The following HEATR1 variants were observed in gnomAD, a reference collection of about 807,000 sequenced individuals.
The protein encoded by HEATR1 is HEAT repeat-containing protein 1.
Under a neutral mutation model 248.2 loss-of-function variants are expected in HEATR1, and 77 were observed. That is an observed-to-expected ratio of 0.31 (90% CI 0.26 to 0.37). The LOEUF is 0.37. Among genes scored for constraint, HEATR1 ranks in the 10% least tolerant of loss-of-function variants. The pLI is 1.00. For missense variants in HEATR1, 2,420 were observed against 2,504.9 expected (o/e 0.97, Z 0.72); for synonymous variants, 897 against 923.1 (o/e 0.97, Z 0.51).
intron 43 of HEATR1, 26 bp from the exon 44 acceptor site, chr1:236,552,133 A>ATAAAAAG: frequency 1.4e-6 from 2 of 1,443,626 alleles, no homozygotes; most frequent in South Asian, 2.3e-5. Context: ...GAGCAAAGAA[A>ATAAAAAG]TAAAAAGTAG....
In HEATR1 at chr1:236,572,755, T is replaced by G; in HGVS notation, c.3533A>C (p.Gln1178Pro). The G allele has an allele frequency of 6.2e-7, 1 of 1,614,090 alleles. No individual in the cohort carries two copies. The highest frequency in any genetic ancestry group is 8.5e-7 in the Non-Finnish European group (1 of 1,179,916). The stretch of plus-strand genomic sequence containing the variant: ...CTGCATTTTTTGCCTTCTTTTTTGC[T>G]GAACTGTGCCCAAGGGTTTAGCTTT... The part of the protein sequence containing the change: ...PDKAKPLGTV[Q>P]QKRRQKMQQK... The change falls in exon 25 of 45, where the codon CAG becomes CCG. Residue 1178 changes from glutamine to proline, a missense_variant. By Grantham distance (76) the Gln-to-Pro change is moderately conservative. Coordinates refer to ENST00000366582, the MANE Select transcript of HEATR1 (RefSeq NM_018072.6).
In HEATR1 at chr1:236,585,236, C is replaced by CT. The variant is rs757377059; in HGVS notation, c.2050-21dup. On this transcript the variant is annotated intron_variant, in intron 16 of 44. Coordinates refer to ENST00000366582, the MANE Select transcript of HEATR1 (RefSeq NM_018072.6). ...CTCCACCTTGAAAAATAAACACACT[C>CT]TATTACCAGTTGCTCTTGATTTTCA... The CT allele has an allele frequency of 6.3e-7, 1 of 1,577,814 alleles. No individual in the cohort carries two copies. The highest frequency in any genetic ancestry group is 8.6e-7 in the Non-Finnish European group (1 of 1,163,036).
chr1:236,561,293 A>G, intron 32 of HEATR1, 22 bp from the exon 33 acceptor site: 1 of 1,597,524 alleles, frequency 6.3e-7, no homozygotes, highest in Non-Finnish European at 8.6e-7. Context: ...AGAAGACGTC[A>G]TTAGAACGGT....
At chr1:236,602,412 A>T (rs1327367812) in intron 3 of HEATR1, among the ~76,000 whole-genome samples, 1 of 152,254 alleles carries the variant, frequency 6.6e-6, no homozygotes. Context: ...GTGAGAATTA[A>T]ATGAGATAAT....
rs1662968193 is a variant in HEATR1, at chr1:236,556,106, G to T, written c.5508C>A (p.Asn1836Lys). Residue 1836 changes from asparagine (N) to lysine (K), a missense_variant, in exon 38 of 45, where the codon AAC becomes AAA. Transcript: ENST00000366582. ...ATACCCAATAAGATCTAACCTTCCA[G>T]TTCTTCTCAATCTGCTTGTAAGTTT... ...IKKTYKQIEKNWKNHMGPFMS... is the reference protein window; with the variant it reads ...IKKTYKQIEKKWKNHMGPFMS... 6.2e-7 allele frequency: 1 copy of T among 1,614,096 alleles called. No homozygotes were observed. The highest frequency in any genetic ancestry group is 1.1e-5 in the South Asian group (1 of 91,078).
rs1379844548 is a variant in HEATR1 at position 236,558,575 on chromosome 1, A to G, written c.4912-46T>C. ...CCCCAAATCATTAAAGCTGCAAAAAATGTTTGTCCATTTTCCCATTGTCAC... is the reference window on the plus strand; with the variant it reads ...CCCCAAATCATTAAAGCTGCAAAAAGTGTTTGTCCATTTTCCCATTGTCAC... On this transcript the variant is annotated intron_variant, in intron 35 of 44. Transcript: ENST00000366582. The G allele has an allele frequency of 1.9e-6, 3 of 1,547,554 alleles. No individual in the cohort carries two copies. The East Asian group carries it at 6.8e-5, about 35-fold the overall frequency.
At chr1:236,566,910 G>A (rs1394479996) in intron 29 of HEATR1, 34 bp from the exon 30 acceptor site, 2 of 1,410,262 alleles carry the variant, frequency 1.4e-6, no homozygotes, top group African/African-American at 1.4e-5. Context: ...ATGAGTAGGT[G>A]CAAGTAATCT....
At chr1:236,577,489 CTT>C (rs34171040) in intron 20 of HEATR1, among the ~76,000 whole-genome samples, 79,681 of 140,514 alleles carry the variant, frequency 0.57, 23,879 homozygotes, top group Non-Finnish European at 0.68. Context: ...TTACATCATT[CTT>C]TTTTTTTTTT....
At chr1:236,551,075 G>C in intron 44 of HEATR1, 85 bp from the exon 45 acceptor site, 1 of 1,029,850 alleles carries the variant, frequency 9.7e-7, no homozygotes, top group South Asian at 1.6e-5. Flanking sequence ...TTAATGCCTT[G>C]CACTTTCCGG....
chr1:236,597,214 T>G (rs1248071135), intron 5 of HEATR1, among the ~76,000 whole-genome samples: 1 of 151,852 alleles, frequency 6.6e-6, no homozygotes, highest in African/African-American at 2.4e-5. Context: ...TGACAACAAT[T>G]AACTGCCTAA....
intron 40 of HEATR1, 30 bp downstream of exon 40, chr1:236,555,521 C>T (rs374919005): frequency 2.5e-6 from 4 of 1,614,012 alleles, no homozygotes; most frequent in Non-Finnish European, 3.4e-6. Context: ...AATCTGAGCA[C>T]AAAAGAGAGG....
intron 17 of HEATR1, among the ~76,000 whole-genome samples, chr1:236,584,522 AG>A (rs1468129229): frequency 1.3e-5 from 2 of 152,220 alleles, no homozygotes; most frequent in Non-Finnish European, 2.9e-5. Flanking sequence ...TTAAAAAAAA[AG>A]TCTTGCTACC....
intron 6 of HEATR1, 105 bp from the exon 7 acceptor site, chr1:236,596,149 T>C (rs538741762): frequency 1.3e-6 from 1 of 792,004 alleles, no homozygotes; most frequent in Admixed American, 2.5e-5. Flanking sequence ...TAATACAACC[T>C]AATGCATAGT....
In HEATR1 at chr1:236,549,215, C is replaced by A. The variant is rs978482029; in HGVS notation, c.*1687G>T. On this transcript the variant is annotated 3_prime_UTR_variant, in exon 45 of 45. Transcript: ENST00000366582. ...GTCCATCATCATTAGCAACTGAGAT[C>A]AAAGCACTCTTCCACTTTACGTGAT... 1.0e-5 allele frequency: 4 copies of A among 383,380 alleles called. No homozygotes were observed. Among genetic ancestry groups the A allele is most frequent in the Middle Eastern group, 6.5e-4 (1 of 1,528 alleles). The allele number at this position is 383,380 out of a possible 1,614,324, so 23.7% of individuals were successfully genotyped here.
In HEATR1 at chr1:236,564,657, G is replaced by C. The variant is rs767613126; in HGVS notation, c.4440C>G (p.Thr1480=). The C allele has an allele frequency of 2.6e-5, 42 of 1,608,702 alleles. No individual in the cohort carries two copies. The South Asian group carries it at 3.7e-4, about 14-fold the overall frequency. Residue 1480 remains threonine, a synonymous_variant, in exon 32 of 45, where the codon ACC becomes ACG. Transcript: ENST00000366582. The part of the protein sequence containing the change: ...LLKLPEEKEE[T]IPKAVSFNKS... ...TATTAAATGACACTGCTTTGGGAATGGTTTCTGAAACAGCAATAAAACAAG... is the reference window on the plus strand; with the variant it reads ...TATTAAATGACACTGCTTTGGGAATCGTTTCTGAAACAGCAATAAAACAAG...
In HEATR1 at chr1:236,596,854, T is replaced by G. The variant is rs142668392; in HGVS notation, c.726A>C (p.Leu242=). ...TGCCAACCTTTTGGATATAGGGAAA[T>G]AGTTTGGCGATGATATTGTCTGATA... ...EDVSDNIIAK[L]FPYIQKGLKS... The change falls in exon 6 of 45, where the codon CTA becomes CTC. Residue 242 remains leucine (L), a synonymous_variant. Coordinates refer to ENST00000366582, the MANE Select transcript of HEATR1 (RefSeq NM_018072.6). 5.0e-6 allele frequency: 8 copies of G among 1,613,294 alleles called. No individual in the cohort carries two copies. In the African/African-American group the frequency reaches 1.1e-4, roughly 22 times the overall value.
chr1:236,593,180 G>A (rs1357324865), intron 9 of HEATR1, among the ~76,000 whole-genome samples: 3 of 150,750 alleles, frequency 2.0e-5, no homozygotes, highest in Non-Finnish European at 2.9e-5. Flanking sequence ...GGCAATAAGA[G>A]CGAAACTCCA....
chr1:236,555,701 T>C (rs1360290110), intron 39 of HEATR1, 46 bp from the exon 40 acceptor site: 1 of 1,607,024 alleles, frequency 6.2e-7, no homozygotes, highest in African/African-American at 1.3e-5. Flanking sequence ...TACCTGACTG[T>C]AAATTATTTT....
chr1:236,574,933 G>T, intron 22 of HEATR1, 30 bp from the exon 23 acceptor site: 1 of 1,601,744 alleles, frequency 6.2e-7, no homozygotes. Context: ...GTAGTAAATA[G>T]TTATGTATAC....
Sources: allele counts gnomAD v4.1 joint callset (sites outside exome capture counted in the v4.1 genomes callset), GRCh38; gene constraint gnomAD v4.1.1; transcripts MANE v1.5; gene names NCBI Gene and HGNC (gene_info 2026-07-23, HGNC 2026-07-21).